The following VAV1 variants were observed in gnomAD, a reference collection of about 807,000 sequenced individuals.
VAV1 encodes the protein proto-oncogene vav.
In VAV1, 33 loss-of-function variants were observed where a neutral mutation model predicts 128.1. The observed-to-expected ratio is 0.26, with a 90% CI of 0.20 to 0.34. The LOEUF is 0.34. VAV1 is among the 10% of genes least tolerant of loss of function. The pLI, the probability that VAV1 is intolerant of heterozygous loss-of-function variation, is 1.00. For missense variants in VAV1, 715 were observed against 1,093.7 expected (o/e 0.65, Z 4.88); for synonymous variants, 394 against 409.8 (o/e 0.96, Z 0.47).
At position 6,833,941 on chromosome 19, in the gene VAV1, A is replaced by G; in HGVS notation, c.1765A>G (p.Arg589Gly). 1 of 1,614,030 alleles carries G rather than the reference A, an allele frequency of 6.2e-7. No individual in the cohort carries two copies. Among genetic ancestry groups the G allele is most frequent in the Non-Finnish European group, 8.5e-7 (1 of 1,180,018 alleles). ...KLHRRAQDKK[R>G]NELGLPKMEV... ...ACATCGCAGGGCTCAGGACAAAAAG[A>G]GGAATGAGCTGGGTGAGTTGGCAGG... Residue 589 changes from arginine (R) to glycine (G), a missense_variant, in exon 19 of 27, where the codon AGG becomes GGG. By Grantham distance (125) the Arg-to-Gly change is moderately radical. Coordinates refer to ENST00000602142, the MANE Select transcript of VAV1 (RefSeq NM_005428.4).
intron 25 of VAV1, among the ~76,000 whole-genome samples, chr19:6,853,589 G>A (rs955679386): frequency 1.3e-5 from 2 of 151,722 alleles, no homozygotes; most frequent in Non-Finnish European, 2.9e-5. Context: ...AAATCAGCCG[G>A]GCATGGTGGC....
At chr19:6,794,912 G>A (rs780316145) in intron 1 of VAV1, among the ~76,000 whole-genome samples, 4 of 152,232 alleles carry the variant, frequency 2.6e-5, no homozygotes, top group South Asian at 4.1e-4. Context: ...AGGATTCTTC[G>A]TCACATGATG....
chr19:6,837,145 G>A (rs1972243518), intron 21 of VAV1, 95 bp downstream of exon 21: 1 of 1,319,858 alleles, frequency 7.6e-7, no homozygotes, highest in Non-Finnish European at 1.1e-6. Flanking sequence ...CGGAGTTGGG[G>A]AGGGGGCTGC....
chr19:6,845,473 C>T (rs1972498677), intron 22 of VAV1, among the ~76,000 whole-genome samples: 1 of 151,860 alleles, frequency 6.6e-6, no homozygotes, highest in Non-Finnish European at 1.5e-5. Context: ...TTGTTACTGG[C>T]ATTTCTATTT....
At chr19:6,785,611 T>C (rs1266564905) in intron 1 of VAV1, among the ~76,000 whole-genome samples, 1 of 151,496 alleles carries the variant, frequency 6.6e-6, no homozygotes, top group African/African-American at 2.4e-5. Flanking sequence ...GGATTACTGA[T>C]GTGAGCCACT....
chr19:6,838,573 A>G (rs1972289584), intron 21 of VAV1, among the ~76,000 whole-genome samples: 1 of 152,070 alleles, frequency 6.6e-6, no homozygotes, highest in African/African-American at 2.4e-5. Context: ...TCACCTACCG[A>G]TCTAACCATC....
At position 6,822,834 on chromosome 19, in the gene VAV1, T is replaced by C. The variant is rs1447117297; in HGVS notation, c.654+320T>C. Among the ~76,000 whole-genome samples, 1 of 145,860 alleles carries C rather than the reference T, an allele frequency of 6.9e-6. No individual in the cohort carries two copies. Among genetic ancestry groups the C allele is most frequent in the African/African-American group, 2.5e-5 (1 of 40,254 alleles). ...ATTAAACATATACATAAATAGAAAA[T>C]ATATAAATATATACAAAGTATATAT... On this transcript the variant is annotated intron_variant, in intron 6 of 26. Coordinates refer to ENST00000602142, the MANE Select transcript of VAV1 (RefSeq NM_005428.4). The surrounding 1 kb of genome is among the most constrained non-coding windows in gnomAD (Gnocchi z 5.9).
chr19:6,831,603 C>G (rs550726453), intron 14 of VAV1, among the ~76,000 whole-genome samples: 2 of 152,218 alleles, frequency 1.3e-5, no homozygotes, highest in Non-Finnish European at 2.9e-5. Context: ...TAAGCCACCG[C>G]GCCCGGCTGG....
intron 1 of VAV1, among the ~76,000 whole-genome samples, chr19:6,778,073 G>A (rs981548611): frequency 6.6e-5 from 10 of 152,022 alleles, no homozygotes; most frequent in Non-Finnish European, 1.5e-4. Flanking sequence ...AGTAGCTGGG[G>A]CTACAGATGC....
At chr19:6,825,862 C>A (rs1034813539) in intron 8 of VAV1, among the ~76,000 whole-genome samples, 1 of 149,890 alleles carries the variant, frequency 6.7e-6, no homozygotes, top group African/African-American at 2.5e-5. Flanking sequence ...CCGTCTCCAT[C>A]GCCTAAAAAT....
chr19:6,805,648 T>A (rs73484406), intron 1 of VAV1, among the ~76,000 whole-genome samples: 1,920 of 148,710 alleles, frequency 0.013, 50 homozygotes, highest in African/African-American at 0.045. Context: ...GGGGGATGGT[T>A]TCAGGATGAA....
rs1303826915 is a variant in VAV1 at position 6,835,453 on chromosome 19, A to G, written c.1778-979A>G. ...AATTTTTTTGCTCACGTTAGCCTTG[A>G]AGTTCTCAATAATGGCCTGTGGCTA... On this transcript the variant is annotated intron_variant, in intron 19 of 26. Transcript: ENST00000602142. Among the ~76,000 whole-genome samples, 3 of 152,176 alleles carry G rather than the reference A, an allele frequency of 2.0e-5. No individual in the cohort carries two copies. In the East Asian group the frequency reaches 5.8e-4, roughly 29 times the overall value.
chr19:6,857,080 G>A lies in VAV1; in HGVS notation c.2511G>A (p.Val837=). ...GRVGWFPANY[V]EEDYSEYC is the part of the protein sequence containing the mutation. ...TTGGCTGGTTCCCTGCCAACTACGTGGAGGAAGATTATTCTGAATACTGCT... is the reference window on the plus strand; with the variant it reads ...TTGGCTGGTTCCCTGCCAACTACGTAGAGGAAGATTATTCTGAATACTGCT... Residue 837 remains valine (V), a synonymous_variant, in exon 27 of 27, where the codon GTG becomes GTA. Coordinates refer to ENST00000602142, the MANE Select transcript of VAV1 (RefSeq NM_005428.4). 1 of 1,614,136 alleles carries A rather than the reference G, an allele frequency of 6.2e-7. No individual in the cohort carries two copies. The highest frequency in any genetic ancestry group is 8.5e-7 in the Non-Finnish European group (1 of 1,180,018).
rs559220122 is a variant in VAV1 at position 6,789,593 on chromosome 19, C to CTTCCTTCCTTCCTTCCTTCCT, written c.204+16583_204+16584insTCCTTCCTTCCTTCCTTCCTT. ...TTCTGCTTTCTTTTCTTTTCTTTCC[C>CTTCCTTCCTTCCTTCCTTCCT]TCCTTCCTTCCTTCCTTCCTTTCTG... On this transcript the variant is annotated intron_variant, in intron 1 of 26. Coordinates refer to ENST00000602142, the MANE Select transcript of VAV1 (RefSeq NM_005428.4). Among the ~76,000 whole-genome samples, 317 of 150,100 alleles carry CTTCCTTCCTTCCTTCCTTCCT rather than the reference C, an allele frequency of 2.1e-3. 5 individuals carry two copies. Among genetic ancestry groups the CTTCCTTCCTTCCTTCCTTCCT allele is most frequent in the African/African-American group, 7.5e-3 (304 of 40,444 alleles).
intron 1 of VAV1, among the ~76,000 whole-genome samples, chr19:6,775,881 A>G (rs1970608728): frequency 6.6e-6 from 1 of 152,178 alleles, no homozygotes; most frequent in South Asian, 2.1e-4. Context: ...GCATAAATAA[A>G]GGTGTGCAGG....
At chr19:6,824,666 G>C (rs1483420413) in intron 6 of VAV1, among the ~76,000 whole-genome samples, 2 of 152,000 alleles carry the variant, frequency 1.3e-5, no homozygotes. Flanking sequence ...TGAGTAGCTG[G>C]GATCACACGC....
At chr19:6,806,053 G>A (rs1057243947) in intron 1 of VAV1, among the ~76,000 whole-genome samples, 2 of 152,104 alleles carry the variant, frequency 1.3e-5, no homozygotes, top group African/African-American at 4.8e-5. Flanking sequence ...ACCATGACCT[G>A]TGGGCCAAAT....
chr19:6,780,697 G>A (rs919613212), intron 1 of VAV1, among the ~76,000 whole-genome samples: 7 of 147,174 alleles, frequency 4.8e-5, no homozygotes, highest in Non-Finnish European at 9.0e-5. Context: ...TCAGCCTCCC[G>A]AGTAGCTGGG....
intron 1 of VAV1, among the ~76,000 whole-genome samples, chr19:6,778,121 G>C (rs570531344): frequency 2.5e-4 from 38 of 152,276 alleles, no homozygotes; most frequent in African/African-American, 8.7e-4. Flanking sequence ...ATTTTTAGTA[G>C]AGACAGGGTT....
Sources: allele counts gnomAD v4.1 joint callset (sites outside exome capture counted in the v4.1 genomes callset), GRCh38; gene constraint gnomAD v4.1.1; non-coding constraint Gnocchi (gnomAD v3.1); transcripts MANE v1.5; gene names NCBI Gene and HGNC (gene_info 2026-07-23, HGNC 2026-07-21).